Variants in ZBTB20 observed in about 807,000 individuals in gnomAD.
ZBTB20 encodes zinc finger and BTB domain containing 20.
Under a neutral mutation model 56.9 loss-of-function variants are expected in ZBTB20, and 9 were observed. The observed-to-expected ratio is 0.16, with a 90% CI of 0.10 to 0.28. The LOEUF (loss-of-function observed/expected upper bound fraction) is 0.28, where lower values mean the gene tolerates loss of function less well. Ranked by LOEUF, ZBTB20 falls within the 10% of genes least tolerant of loss-of-function variation. ZBTB20 has a pLI of 1.00. For missense variants in ZBTB20, 655 were observed against 1,003.0 expected (o/e 0.65, Z 4.69); for synonymous variants, 417 against 420.7 (o/e 0.99, Z 0.11).
chr3:115,067,955 G>A (rs2082268340), intron 2 of ZBTB20, among the ~76,000 whole-genome samples: 1 of 152,000 alleles, frequency 6.6e-6, no homozygotes, highest in South Asian at 2.1e-4. Context: ...AAATATCAAG[G>A]AGCTGGGCCA....
chr3:114,861,579 G>A (rs2075530521), intron 4 of ZBTB20, among the ~76,000 whole-genome samples: 1 of 151,952 alleles, frequency 6.6e-6, no homozygotes, highest in African/African-American at 2.4e-5. Context: ...GTTCAGACCT[G>A]GTTTGAAATC....
chr3:114,652,597 T>C (rs972079214), intron 6 of ZBTB20, among the ~76,000 whole-genome samples: 6 of 152,176 alleles, frequency 3.9e-5, no homozygotes, highest in South Asian at 4.1e-4. Context: ...AGTAGAACTA[T>C]ATATTTACAG....
chr3:114,736,076 T>A (rs1250633712), intron 5 of ZBTB20, among the ~76,000 whole-genome samples: 1 of 152,194 alleles, frequency 6.6e-6, no homozygotes, highest in Non-Finnish European at 1.5e-5. Flanking sequence ...TTGAAAGTTA[T>A]CACAGTATAA....
Position 114,315,570 on chromosome 3 carries a change from T to A in ZBTB20, c.*23435A>T, listed in dbSNP as rs6792520. The A allele has an allele frequency of 5.4e-3, 182 of 33,606 alleles. 2 individuals carry two copies. Among genetic ancestry groups the A allele is most frequent in the East Asian group, 0.043 (11 of 256 alleles). The allele number at this position is 33,606 out of a possible 1,614,324, so 2.1% of individuals were successfully genotyped here. A position where few individuals can be genotyped will look rare whatever the true frequency, so the allele number is the denominator to read the frequency against. Reference sequence around the variant, plus strand: ...GTGTATTTTAGGTCTAAACATACAGTGTGTGTGTGTGTGTGTGTGTGTGTG... The same window carrying A: ...GTGTATTTTAGGTCTAAACATACAGAGTGTGTGTGTGTGTGTGTGTGTGTG... On this transcript the variant is annotated 3_prime_UTR_variant, in exon 12 of 12. Coordinates refer to ENST00000675478, the MANE Select transcript of ZBTB20 (RefSeq NM_001348800.3).
chr3:114,527,524 C>A (rs1424268044), intron 6 of ZBTB20, among the ~76,000 whole-genome samples: 4 of 152,124 alleles, frequency 2.6e-5, no homozygotes, highest in African/African-American at 4.8e-5. Flanking sequence ...ATATGTTCAG[C>A]TGTATTCCAT....
intron 5 of ZBTB20, among the ~76,000 whole-genome samples, chr3:114,708,664 T>C (rs959818185): frequency 6.6e-6 from 1 of 152,162 alleles, no homozygotes; most frequent in Non-Finnish European, 1.5e-5. Flanking sequence ...AGAAATGTTT[T>C]TGGAATACTG....
intron 5 of ZBTB20, among the ~76,000 whole-genome samples, chr3:114,749,844 C>T (rs1483138959): frequency 2.0e-5 from 3 of 152,144 alleles, no homozygotes; most frequent in Non-Finnish European, 4.4e-5. Context: ...ACCCATCTCA[C>T]AAAATTGTTT....
chr3:114,977,697 T>C (rs569179175), intron 2 of ZBTB20, among the ~76,000 whole-genome samples: 1 of 152,056 alleles, frequency 6.6e-6, no homozygotes, highest in Admixed American at 6.6e-5. Context: ...TCTAAGAAAA[T>C]ACATATGTAT....
At chr3:114,602,176 T>C (rs2056810863) in intron 6 of ZBTB20, among the ~76,000 whole-genome samples, 1 of 152,036 alleles carries the variant, frequency 6.6e-6, no homozygotes, top group Non-Finnish European at 1.5e-5. Context: ...TGGCCCTTCA[T>C]TCTCAATAAC....
intron 7 of ZBTB20, among the ~76,000 whole-genome samples, chr3:114,455,180 A>C (rs541383462): frequency 2.0e-5 from 3 of 151,926 alleles, no homozygotes; most frequent in African/African-American, 7.2e-5. Context: ...CGCGAGAGGG[A>C]GAGCGGCACT....
intron 2 of ZBTB20, among the ~76,000 whole-genome samples, chr3:114,989,644 C>T (rs1354434498): frequency 6.6e-6 from 1 of 152,106 alleles, no homozygotes; most frequent in African/African-American, 2.4e-5. Flanking sequence ...TGAAGAAAGT[C>T]ATTGGTAACT....
At chr3:114,945,672 G>A (rs2076861308) in intron 3 of ZBTB20, among the ~76,000 whole-genome samples, 2 of 145,506 alleles carry the variant, frequency 1.4e-5, no homozygotes, top group Non-Finnish European at 1.5e-5. Context: ...ACAGTAAGAT[G>A]ATAGAATTAA....
intron 5 of ZBTB20, among the ~76,000 whole-genome samples, chr3:114,787,514 A>G (rs1038431453): frequency 6.6e-6 from 1 of 151,364 alleles, no homozygotes; most frequent in African/African-American, 2.4e-5. Flanking sequence ...TTATATGACA[A>G]CTCTTGGAAA....
At chr3:114,835,189 C>A (rs921305296) in intron 4 of ZBTB20, among the ~76,000 whole-genome samples, 1 of 152,134 alleles carries the variant, frequency 6.6e-6, no homozygotes. Context: ...CTCCCAGTAT[C>A]GCTTTATCCC....
chr3:114,358,021 AC>A (rs200926849), intron 10 of ZBTB20, among the ~76,000 whole-genome samples: 2,294 of 152,326 alleles, frequency 0.015, 31 homozygotes, highest in South Asian at 0.067. Flanking sequence ...TATTTAGCAA[AC>A]TTTGTTTTAC....
At chr3:114,972,452 G>C (rs1381169488) in intron 3 of ZBTB20, among the ~76,000 whole-genome samples, 10 of 152,056 alleles carry the variant, frequency 6.6e-5, no homozygotes, top group Admixed American at 6.6e-4. Context: ...TTCATGTTCT[G>C]AAATCCTGAT....
chr3:115,004,734 T>C (rs1355674439), intron 2 of ZBTB20, among the ~76,000 whole-genome samples: 1 of 151,754 alleles, frequency 6.6e-6, no homozygotes, highest in Non-Finnish European at 1.5e-5. Context: ...GAAGACATAT[T>C]TATAATATAA....
chr3:114,460,118 T>A (rs570928122), intron 7 of ZBTB20, among the ~76,000 whole-genome samples: 14 of 152,266 alleles, frequency 9.2e-5, no homozygotes, highest in African/African-American at 3.4e-4. Flanking sequence ...GGTTCCACAC[T>A]CTTCTCACTC....
chr3:114,993,517 A>C (rs1050920998), intron 2 of ZBTB20, among the ~76,000 whole-genome samples: 2 of 151,912 alleles, frequency 1.3e-5, no homozygotes, highest in African/African-American at 4.8e-5. Context: ...ATTATGATCT[A>C]AAAAGAGGTG....
Sources: gnomAD v4.1 joint callset for allele counts (sites outside exome capture counted in the v4.1 genomes callset) on GRCh38, gnomAD v4.1.1 for gene constraint, MANE v1.5 for transcripts, NCBI Gene and HGNC (gene_info 2026-07-23, HGNC 2026-07-21) for gene names.